RPUSD3: variants seen among roughly 807,000 people sequenced by gnomAD.
RPUSD3 encodes mitochondrial mRNA pseudouridine synthase RPUSD3.
Under a neutral mutation model 35.1 loss-of-function variants are expected in RPUSD3, and 36 were observed. That is an observed-to-expected ratio of 1.02 (90% CI 0.79 to 1.35). RPUSD3 has a LOEUF of 1.35. Ranked by LOEUF, RPUSD3 falls within the 40% of genes most tolerant of loss-of-function variation. RPUSD3 has a pLI of 0.00. For missense variants in RPUSD3, 486 were observed against 441.9 expected, an observed-to-expected ratio of 1.10 and a Z score of -0.89; for synonymous variants, 202 against 187.8, an observed-to-expected ratio of 1.08 and a Z score of -0.62.
intron 6 of RPUSD3, 36 bp from the exon 7 acceptor site, chr3:9,840,343 A>G: frequency 1.2e-6 from 2 of 1,614,066 alleles, no homozygotes. Context: ...AGCCTTACAC[A>G]GGTCTGGGAG....
chr3:9,838,012 A>G, exon 9 of RPUSD3: 1 of 1,556,212 alleles, frequency 6.4e-7, no homozygotes, highest in Non-Finnish European at 8.7e-7. Flanking sequence ...GAACAGAGGG[A>G]GGACTATTGT....
At chr3:9,842,387 A>C (rs1271406420) in intron 2 of RPUSD3, 144 bp from the exon 3 acceptor site, 7 of 788,424 alleles carry the variant, frequency 8.9e-6, no homozygotes, top group Non-Finnish European at 1.5e-5. Context: ...CCCACACCAA[A>C]TTCAACTTCT....
rs765620630 is a variant in RPUSD3 at position 9,840,812 on chromosome 3, T to C, written c.408-7A>G. The C allele has an allele frequency of 6.2e-7, 1 of 1,607,862 alleles. No individual in the cohort carries two copies. Among genetic ancestry groups the C allele is most frequent in the African/African-American group, 1.3e-5 (1 of 74,596 alleles). On this transcript the variant is annotated splice_region_variant and splice_polypyrimidine_tract_variant and intron_variant, in intron 4 of 8. Coordinates refer to ENST00000383820, the Ensembl canonical transcript of RPUSD3. Reference sequence around the variant, plus strand: ...TACAAGCCCAGAGCTTTCTCTGGAATAAGCAGACAAATCACACAAGTTAAA... The same window carrying C: ...TACAAGCCCAGAGCTTTCTCTGGAACAAGCAGACAAATCACACAAGTTAAA...
exon 8 of RPUSD3, chr3:9,839,048 T>G (rs778992830): frequency 2.5e-6 from 4 of 1,614,128 alleles, no homozygotes; most frequent in Non-Finnish European, 2.5e-6. Context: ...TTGGGGCTTG[T>G]TGTTCTCAGC....
exon 9 of RPUSD3, chr3:9,838,066 G>A: frequency 6.2e-7 from 1 of 1,607,540 alleles, no homozygotes; most frequent in Non-Finnish European, 8.5e-7. Context: ...AAATAAGGGG[G>A]CAGTGGTGCC....
exon 9 of RPUSD3, chr3:9,838,200 T>C (rs1559233659): frequency 1.2e-6 from 2 of 1,611,902 alleles, no homozygotes; most frequent in Non-Finnish European, 1.7e-6. Context: ...GAGGGCTTCA[T>C]CCAGGACCTG....
At chr3:9,840,102 GA>G in intron 7 of RPUSD3, 81 bp downstream of exon 7, 2 of 1,539,918 alleles carry the variant, frequency 1.3e-6, no homozygotes, top group Middle Eastern at 4.8e-4. Context: ...GACTGGTCTT[GA>G]ACTCCTGACC....
chr3:9,840,489 C>CTAT, intron 6 of RPUSD3, 43 bp downstream of exon 6: 1 of 1,601,708 alleles, frequency 6.2e-7, no homozygotes, highest in Non-Finnish European at 8.6e-7. Flanking sequence ...TGTAGGGGTA[C>CTAT]TATATCTAGA....
At chr3:9,841,719 T>G in intron 4 of RPUSD3, 1 of 320,622 alleles carries the variant, frequency 3.1e-6, no homozygotes, top group South Asian at 5.8e-5. Context: ...TCCTCTTGCC[T>G]TGGCCTCCAG....
Position 9,843,287 on chromosome 3 carries a change from G to T in RPUSD3, c.262+178C>A, listed in dbSNP as rs1435663035. On this transcript the variant is annotated intron_variant, in intron 2 of 8. Coordinates refer to ENST00000383820, the Ensembl canonical transcript of RPUSD3. ...TCTTCTCCCCACTCTTAACCCTACT[G>T]CATCATGGCAGTAGGGTTAAAAGCG... 15 of 802,326 alleles carry T rather than the reference G, an allele frequency of 1.9e-5. No individual in the cohort carries two copies. Among genetic ancestry groups the T allele is most frequent in the Non-Finnish European group, 3.0e-5 (15 of 502,654 alleles). 49.7% of individuals were successfully genotyped at this position (802,326 alleles called of 1,614,324 possible). A position where few individuals can be genotyped will look rare whatever the true frequency, so the allele number is the denominator to read the frequency against.
exon 5 of RPUSD3, chr3:9,840,730 T>A (rs2082091242): frequency 1.2e-6 from 2 of 1,614,014 alleles, no homozygotes; most frequent in Non-Finnish European, 1.7e-6. Flanking sequence ...GGGCTCTCCG[T>A]GCATGGGTGA....
intron 2 of RPUSD3, chr3:9,843,161 G>A: frequency 2.7e-6 from 1 of 373,800 alleles, no homozygotes; most frequent in Non-Finnish European, 4.9e-6. Flanking sequence ...TAAAGTGCCG[G>A]GATTACAGGC....
intron 2 of RPUSD3, 147 bp downstream of exon 2, chr3:9,843,318 A>G: frequency 2.8e-6 from 3 of 1,088,042 alleles, no homozygotes; most frequent in Non-Finnish European, 4.0e-6. Context: ...AAGCGGGGAG[A>G]GGGTGCAAAT....
rs1048534650 is a variant in RPUSD3 at position 9,838,339 on chromosome 3, T to A, written c.865-132A>T. ...TGTTCTGCAACTGTTAATCATTTCC[T>A]CTTTGCACACAGATGTGCACATTCA... On this transcript the variant is annotated intron_variant, in intron 8 of 8. Coordinates refer to ENST00000383820, the Ensembl canonical transcript of RPUSD3. 9.5e-6 allele frequency: 8 copies of A among 845,184 alleles called. No homozygotes were observed. In the African/African-American group the frequency reaches 1.2e-4, roughly 12 times the overall value. The allele number at this position is 845,184 out of a possible 1,614,324, so 52.4% of individuals were successfully genotyped here. A position where few individuals can be genotyped will look rare whatever the true frequency, so the allele number is the denominator to read the frequency against.
At chr3:9,840,986 T>C (rs2082095145) in intron 4 of RPUSD3, 181 bp from the exon 5 acceptor site, 1 of 477,246 alleles carries the variant, frequency 2.1e-6, no homozygotes, top group African/African-American at 2.0e-5. Context: ...TGTAGCTTAA[T>C]GTGTTTCTCA....
intron 2 of RPUSD3, 122 bp from the exon 3 acceptor site, chr3:9,842,365 T>A: frequency 1.1e-6 from 1 of 940,582 alleles, no homozygotes; most frequent in Non-Finnish European, 1.7e-6. Context: ...CTCTCAGACA[T>A]GAGTTAACTA....
rs770069474 is a variant in RPUSD3 at position 9,842,064 on chromosome 3, G to A, written c.326C>T (p.Thr109Met). The change falls in exon 4 of 9, where the codon ACG becomes ATG. Residue 109 changes from threonine to methionine, a missense_variant. Coordinates refer to ENST00000383820, the Ensembl canonical transcript of RPUSD3. The stretch of plus-strand genomic sequence containing the variant: ...CAGCTCTGGCAGCACTGAGAACAAC[G>A]TCAGCTCTCCTGGTTTTCCTGGAAA... The A allele has an allele frequency of 8.1e-6, 13 of 1,610,786 alleles. No homozygotes were observed. The highest frequency in any genetic ancestry group is 1.1e-5 in the South Asian group (1 of 90,938).
At position 9,843,870 on chromosome 3, in the gene RPUSD3, G is replaced by C. The variant is rs1267246387; in HGVS notation, c.125+20C>G. 6.3e-7 allele frequency: 1 copy of C among 1,594,560 alleles called. No individual in the cohort carries two copies. The highest frequency in any genetic ancestry group is 2.3e-5 in the East Asian group (1 of 43,978). ...CTGCCCTAGCCTCCGTCCCGCATGA[G>C]AGAGGGGGTACTTAATCACCGGGCT... On this transcript the variant is annotated intron_variant, in intron 1 of 8. Coordinates refer to ENST00000383820, the Ensembl canonical transcript of RPUSD3.
intron 7 of RPUSD3, 148 bp from the exon 8 acceptor site, chr3:9,839,319 CAG>C (rs1463083316): frequency 2.6e-6 from 2 of 784,314 alleles, no homozygotes; most frequent in Non-Finnish European, 3.9e-6. Flanking sequence ...CCCCTGCATC[CAG>C]AGAGGGACAC....
Sources: gnomAD v4.1 joint callset for allele counts on GRCh38, gnomAD v4.1.1 for gene constraint, MANE v1.5 for transcripts, NCBI Gene and HGNC (gene_info 2026-07-23, HGNC 2026-07-21) for gene names.